ENPEP: variants seen among roughly 807,000 people sequenced by gnomAD.
ENPEP encodes the protein AP-A.
In ENPEP, 103 loss-of-function variants were observed where a neutral mutation model predicts 114.5. That is an observed-to-expected ratio of 0.90 (90% CI 0.77 to 1.06). The LOEUF (loss-of-function observed/expected upper bound fraction) is 1.06, where lower values mean the gene tolerates loss of function less well. ENPEP is among the 50% of genes least tolerant of loss of function. The pLI is 0.00. For synonymous variants in ENPEP, 420 were observed against 422.0 expected (o/e 1.00, Z 0.06); for missense variants, 1,196 against 1,161.3 (o/e 1.03, Z -0.43).
chr4:110,485,616 C>A (rs1341765645), intron 1 of ENPEP, among the ~76,000 whole-genome samples: 1 of 152,090 alleles, frequency 6.6e-6, no homozygotes, highest in East Asian at 1.9e-4. Flanking sequence ...ATGTTTTTTC[C>A]CCCAGTGCAG....
In ENPEP at chr4:110,506,764, A is replaced by T; in HGVS notation, c.1039+7A>T. 5.9e-6 allele frequency: 9 copies of T among 1,520,994 alleles called. No homozygotes were observed. Among genetic ancestry groups the T allele is most frequent in the Non-Finnish European group, 8.1e-6 (9 of 1,117,766 alleles). The allele number at this position is 1,520,994 out of a possible 1,614,324, so 94.2% of individuals were successfully genotyped here. ...TATTCTCTTCCTAAATTAGGTGAGGATCATTTTTTAATTTTCTTATTTTTA... is the reference window on the plus strand; with the variant it reads ...TATTCTCTTCCTAAATTAGGTGAGGTTCATTTTTTAATTTTCTTATTTTTA... On this transcript the variant is annotated splice_region_variant and intron_variant, in intron 4 of 19. Transcript: ENST00000265162.
At chr4:110,512,977 CA>C in intron 6 of ENPEP, 1 of 153,352 alleles carries the variant, frequency 6.5e-6, no homozygotes, top group Non-Finnish European at 1.5e-5. Context: ...ATGAAGTATC[CA>C]AATTCCAATA....
chr4:110,495,888 T>C (rs1724916434), intron 3 of ENPEP, among the ~76,000 whole-genome samples: 1 of 152,194 alleles, frequency 6.6e-6, no homozygotes, highest in Non-Finnish European at 1.5e-5. Flanking sequence ...TGGAGATTAT[T>C]TCAACTCTAG....
chr4:110,546,380 A>G (rs1167054716), intron 13 of ENPEP, among the ~76,000 whole-genome samples: 2 of 151,346 alleles, frequency 1.3e-5, no homozygotes, highest in Non-Finnish European at 2.9e-5. Flanking sequence ...CAATTACTTT[A>G]TATTGTCCTC....
At chr4:110,480,754 A>C (rs981924470) in intron 1 of ENPEP, among the ~76,000 whole-genome samples, 1 of 152,204 alleles carries the variant, frequency 6.6e-6, no homozygotes, top group African/African-American at 2.4e-5. Context: ...CAAAATTTAG[A>C]ATTCCACATT....
At position 110,559,721 on chromosome 4, in the gene ENPEP, G is replaced by A. The variant is rs1023658996; in HGVS notation, c.2717G>A (p.Trp906Ter). The change falls in exon 19 of 20, where the codon TGG becomes TAG. Residue 906 changes from tryptophan (W) to a stop codon, truncating the protein, a stop_gained. Transcript: ENST00000265162. LOFTEE classifies it low-confidence loss of function (END_TRUNC). ...CCATTCAACACTGAACTGCAACTGT[G>A]GCAGGTATGAAGATAAATTCCTCTG... ...AEPFNTELQL[W>*]QMESFFAKYP... 3.7e-6 allele frequency: 6 copies of A among 1,612,370 alleles called. No individual in the cohort carries two copies. In the African/African-American group the frequency reaches 8.0e-5, roughly 22 times the overall value.
intron 11 of ENPEP, among the ~76,000 whole-genome samples, chr4:110,539,118 A>G (rs911418385): frequency 6.6e-6 from 1 of 152,240 alleles, no homozygotes; most frequent in African/African-American, 2.4e-5. Flanking sequence ...ACCTAGAGAC[A>G]TGAAGTGAGC....
chr4:110,514,025 AT>A (rs1725673379), intron 7 of ENPEP, among the ~76,000 whole-genome samples: 1 of 152,122 alleles, frequency 6.6e-6, no homozygotes, highest in Non-Finnish European at 1.5e-5. Flanking sequence ...ATTTGTTAGC[AT>A]ATTGTAGGTG....
intron 11 of ENPEP, chr4:110,533,060 A>G (rs1455242794): frequency 1.1e-5 from 5 of 451,448 alleles, no homozygotes; most frequent in Non-Finnish European, 2.2e-5. Flanking sequence ...ACTATTACTA[A>G]ATATTTTCCC....
intron 13 of ENPEP, among the ~76,000 whole-genome samples, chr4:110,544,821 A>G (rs1008333759): frequency 6.6e-6 from 1 of 152,128 alleles, no homozygotes; most frequent in African/African-American, 2.4e-5. Context: ...AATAACTTAC[A>G]CTACTGAAAG....
chr4:110,502,456 G>A (rs1238794745), intron 3 of ENPEP, among the ~76,000 whole-genome samples: 1 of 152,130 alleles, frequency 6.6e-6, no homozygotes, highest in East Asian at 1.9e-4. Flanking sequence ...TGTATATGGT[G>A]TAAGGAAGGG....
At chr4:110,507,861 G>A (rs960641194) in intron 4 of ENPEP, among the ~76,000 whole-genome samples, 6 of 152,182 alleles carry the variant, frequency 3.9e-5, no homozygotes, top group Non-Finnish European at 7.3e-5. Context: ...TGTAGTCTCA[G>A]CTACTCAGGA....
chr4:110,484,265 C>G (rs1233696781), intron 1 of ENPEP, among the ~76,000 whole-genome samples: 1 of 152,096 alleles, frequency 6.6e-6, no homozygotes, highest in Non-Finnish European at 1.5e-5. Context: ...GCTATACATG[C>G]TCTGGTGACC....
chr4:110,519,883 A>ATG, intron 8 of ENPEP, 125 bp from the exon 9 acceptor site: 1 of 701,584 alleles, frequency 1.4e-6, no homozygotes, highest in Non-Finnish European at 2.5e-6. Context: ...ATTCATGTAC[A>ATG]TGTTATCTAT....
chr4:110,495,862 C>T (rs1299245763), intron 3 of ENPEP, among the ~76,000 whole-genome samples: 1 of 152,082 alleles, frequency 6.6e-6, no homozygotes, highest in African/African-American at 2.4e-5. Flanking sequence ...TGTGCAAAAA[C>T]AAGAAATTAC....
At chr4:110,519,909 A>T (rs534475875) in intron 8 of ENPEP, 99 bp from the exon 9 acceptor site, 2 of 1,027,922 alleles carry the variant, frequency 1.9e-6, no homozygotes, top group East Asian at 5.1e-5. Flanking sequence ...GTTTTGCGCA[A>T]TGGAGGTAGA....
Sources: gnomAD v4.1 joint callset for allele counts (sites outside exome capture counted in the v4.1 genomes callset) on GRCh38, gnomAD v4.1.1 for gene constraint, MANE v1.5 for transcripts, NCBI Gene and HGNC (gene_info 2026-07-23, HGNC 2026-07-21) for gene names.